The following NUMB variants were observed in gnomAD, a reference collection of about 807,000 sequenced individuals.
NUMB encodes protein numb homolog.
In NUMB, 29 loss-of-function variants were observed where a neutral mutation model predicts 59.7. The observed-to-expected ratio is 0.49, with a 90% CI of 0.36 to 0.66. The LOEUF (loss-of-function observed/expected upper bound fraction) is 0.66. NUMB is among the 30% of genes least tolerant of loss of function. The probability of loss-of-function intolerance (pLI) is 0.00; values close to 1 mark genes in which losing one functional copy is unlikely to be tolerated. For synonymous variants in NUMB, 288 were observed against 288.2 expected, an observed-to-expected ratio of 1.00 and a Z score of 0.01; for missense variants, 723 against 822.0, an observed-to-expected ratio of 0.88 and a Z score of 1.47.
At chr14:73,435,477 T>C (rs1472778037) in intron 1 of NUMB, among the ~76,000 whole-genome samples, 2 of 151,362 alleles carry the variant, frequency 1.3e-5, no homozygotes, top group Non-Finnish European at 2.9e-5. Flanking sequence ...GGTTTAACCG[T>C]GTTCGCCAGG....
At chr14:73,427,233 C>T (rs1266135240) in intron 1 of NUMB, among the ~76,000 whole-genome samples, 1 of 151,970 alleles carries the variant, frequency 6.6e-6, no homozygotes, top group Non-Finnish European at 1.5e-5. Flanking sequence ...AATCTCAGCA[C>T]TTTGGGAGGC....
At chr14:73,370,094 T>C (rs574362247) in intron 2 of NUMB, among the ~76,000 whole-genome samples, 53 of 152,064 alleles carry the variant, frequency 3.5e-4, no homozygotes, top group Non-Finnish European at 6.5e-4. Context: ...CAAAAACTCA[T>C]GTTGAAATCT....
At chr14:73,289,693 T>A (rs1048357505) in intron 8 of NUMB, among the ~76,000 whole-genome samples, 2 of 152,178 alleles carry the variant, frequency 1.3e-5, no homozygotes, top group African/African-American at 2.4e-5. Context: ...AACTTTTGAC[T>A]ACTTATTTAA....
At chr14:73,283,885 T>TGAA (rs1238952949) in intron 10 of NUMB, among the ~76,000 whole-genome samples, 196 bp downstream of exon 10, 1 of 152,204 alleles carries the variant, frequency 6.6e-6, no homozygotes, top group Non-Finnish European at 1.5e-5. Flanking sequence ...GCCTGTTTGT[T>TGAA]GAAGAGAAAT....
intron 1 of NUMB, among the ~76,000 whole-genome samples, chr14:73,418,779 A>G (rs906458370): frequency 3.3e-5 from 5 of 152,264 alleles, no homozygotes; most frequent in Non-Finnish European, 7.4e-5. Flanking sequence ...CTCGAAAAAA[A>G]AAAAGTAACT....
intron 9 of NUMB, 132 bp downstream of exon 9, chr14:73,286,978 A>G (rs752642851): frequency 2.3e-6 from 2 of 858,896 alleles, no homozygotes; most frequent in African/African-American, 3.4e-5. Flanking sequence ...AAGATTTTCA[A>G]CTTTGTTATA....
chr14:73,325,459 A>T (rs1414582054), intron 4 of NUMB, among the ~76,000 whole-genome samples: 1 of 152,202 alleles, frequency 6.6e-6, no homozygotes, highest in Non-Finnish European at 1.5e-5. Flanking sequence ...GTCTCTAAAA[A>T]CCAAAATGAA....
chr14:73,289,651 T>TACTTTTTAAAAATTTTTAA (rs1889258379), intron 8 of NUMB, among the ~76,000 whole-genome samples: 1 of 152,248 alleles, frequency 6.6e-6, no homozygotes, highest in African/African-American at 2.4e-5. Context: ...TACCTTTGAC[T>TACTTTTTAAAAATTTTTAA]ACTTTTTAAA....
chr14:73,276,316 G>C lies in NUMB; in HGVS notation c.*262C>G, dbSNP rs1428382062. 1 of 381,560 alleles carries C rather than the reference G, an allele frequency of 2.6e-6. No homozygotes were observed. The highest frequency in any genetic ancestry group is 5.8e-5 in the South Asian group (1 of 17,256). The allele number at this position is 381,560 out of a possible 1,614,324, so 23.6% of individuals were successfully genotyped here. On this transcript the variant is annotated 3_prime_UTR_variant, in exon 13 of 13. Coordinates refer to ENST00000555238, the MANE Select transcript of NUMB (RefSeq NM_001005743.2). ...CTCTCTGTTGCCAGAGATTTGTAAG[G>C]GGGTAAGGGAAGAGGGAGTACAGAA...
At chr14:73,342,283 T>G (rs941444901) in intron 4 of NUMB, among the ~76,000 whole-genome samples, 4 of 152,248 alleles carry the variant, frequency 2.6e-5, no homozygotes, top group African/African-American at 9.6e-5. Flanking sequence ...ATGAAGACGA[T>G]GTATCTGCTC....
In NUMB at chr14:73,277,091, A is replaced by G; in HGVS notation, c.1443T>C (p.Pro481=). 6.2e-7 allele frequency: 1 copy of G among 1,614,132 alleles called. No individual in the cohort carries two copies. The highest frequency in any genetic ancestry group is 2.2e-5 in the East Asian group (1 of 44,888). Residue 481 remains proline, a synonymous_variant, in exon 13 of 13, where the codon CCT becomes CCC. Coordinates refer to ENST00000555238, the MANE Select transcript of NUMB (RefSeq NM_001005743.2). ...PPTAISQPAS[P]FQGNAFLTSQ... ...AGGTGAGGAATGCATTCCCTTGGAA[A>G]GGTGATGCTGGCTGGGAGATGGCAG... is the stretch of plus-strand genomic sequence containing the variant.
chr14:73,385,157 A>AGTTTT (rs1050605186), intron 2 of NUMB, among the ~76,000 whole-genome samples: 1 of 151,704 alleles, frequency 6.6e-6, no homozygotes, highest in Non-Finnish European at 1.5e-5. Flanking sequence ...GAGGAACTGA[A>AGTTTT]GTTTTATTTT....
intron 1 of NUMB, among the ~76,000 whole-genome samples, chr14:73,457,403 C>A (rs1433906402): frequency 6.6e-6 from 1 of 152,136 alleles, no homozygotes; most frequent in African/African-American, 2.4e-5. Flanking sequence ...ACTGAAGTTT[C>A]TTCTATTTGT....
In NUMB at chr14:73,375,677, T is replaced by G. The variant is rs115647567; in HGVS notation, c.-100-8696A>C. Among the ~76,000 whole-genome samples the G allele has an allele frequency of 2.8e-3, 427 of 152,224 alleles. 5 individuals are homozygous for G. Among genetic ancestry groups the G allele is most frequent in the African/African-American group, 0.01 (418 of 41,558 alleles). ...AATGTGACCAGAAATATTAGCAAAT[T>G]GAAAACAGAACATATAAAAAGAATT... On this transcript the variant is annotated intron_variant, in intron 2 of 12. Coordinates refer to ENST00000555238, the MANE Select transcript of NUMB (RefSeq NM_001005743.2).
Position 73,276,474 on chromosome 14 carries a change from A to G in NUMB, c.*104T>C. On this transcript the variant is annotated 3_prime_UTR_variant, in exon 13 of 13. Transcript: ENST00000555238. ...CTTGTTCCTTGGGACCTTTGGGATT[A>G]GTGAAAAGAGTACTAATCAGGAGAC... 1 of 824,648 alleles carries G rather than the reference A, an allele frequency of 1.2e-6. No individual in the cohort carries two copies. The highest frequency in any genetic ancestry group is 1.9e-6 in the Non-Finnish European group (1 of 526,806). 51.1% of individuals were successfully genotyped at this position (824,648 alleles called of 1,614,324 possible).
chr14:73,405,269 T>C (rs1293190793), intron 2 of NUMB, among the ~76,000 whole-genome samples: 1 of 152,058 alleles, frequency 6.6e-6, no homozygotes, highest in East Asian at 1.9e-4. Context: ...TTTTTTCCTC[T>C]AGTATCCTCC....
chr14:73,302,239 G>GTA (rs1251689144), intron 6 of NUMB, among the ~76,000 whole-genome samples: 1 of 152,018 alleles, frequency 6.6e-6, no homozygotes, highest in Non-Finnish European at 1.5e-5. Flanking sequence ...ACGAATTCTT[G>GTA]TATTTGTTCA....
chr14:73,303,993 A>G (rs1429149426), intron 6 of NUMB, among the ~76,000 whole-genome samples: 1 of 152,260 alleles, frequency 6.6e-6, no homozygotes, highest in Non-Finnish European at 1.5e-5. Flanking sequence ...TTATGGGTAG[A>G]TATAAACCAA....
At chr14:73,282,629 T>G in intron 10 of NUMB, 124 bp from the exon 11 acceptor site, 3 of 1,014,384 alleles carry the variant, frequency 3.0e-6, no homozygotes, top group Non-Finnish European at 4.1e-6. Context: ...CTCAATTAAC[T>G]GTATGGCAGG....
Sources: gnomAD v4.1 joint callset for allele counts (sites outside exome capture counted in the v4.1 genomes callset) on GRCh38, gnomAD v4.1.1 for gene constraint, MANE v1.5 for transcripts, NCBI Gene and HGNC (gene_info 2026-07-23, HGNC 2026-07-21) for gene names.